EEFSEC: variants seen among roughly 807,000 people sequenced by gnomAD.
The protein encoded by EEFSEC is selenocysteine-specific elongation factor.
Under a neutral mutation model 42.1 loss-of-function variants are expected in EEFSEC, and 43 were observed. The observed-to-expected ratio is 1.02, with a 90% CI of 0.80 to 1.32. The LOEUF is 1.32. Among genes scored for constraint, EEFSEC ranks in the 40% most tolerant of loss-of-function variants. The pLI, the probability that EEFSEC is intolerant of heterozygous loss-of-function variation, is 0.00. For synonymous variants in EEFSEC, 354 were observed against 339.1 expected (o/e 1.04, Z -0.48); for missense variants, 745 against 803.6 (o/e 0.93, Z 0.88).
At chr3:128,320,541 T>C (rs1203266893) in intron 4 of EEFSEC, among the ~76,000 whole-genome samples, 4 of 152,180 alleles carry the variant, frequency 2.6e-5, no homozygotes, top group Non-Finnish European at 5.9e-5. Context: ...ACGTAGCTAA[T>C]ATGAAGGATT....
chr3:128,370,840 C>G (rs1387090545), intron 6 of EEFSEC, among the ~76,000 whole-genome samples: 1 of 152,168 alleles, frequency 6.6e-6, no homozygotes, highest in Non-Finnish European at 1.5e-5. Flanking sequence ...CTGCTCCCTT[C>G]CAGAGTGAAG....
chr3:128,374,882 G>C (rs773784162), intron 6 of EEFSEC, among the ~76,000 whole-genome samples: 1 of 152,240 alleles, frequency 6.6e-6, no homozygotes, highest in Non-Finnish European at 1.5e-5. Context: ...GAGCCCCAGA[G>C]CTGAGACTTG....
intron 6 of EEFSEC, among the ~76,000 whole-genome samples, chr3:128,388,180 C>G (rs555312848): frequency 1.3e-5 from 2 of 152,304 alleles, no homozygotes; most frequent in African/African-American, 4.8e-5. Context: ...CTCTTAGAGT[C>G]TTCCTTTTTT....
At chr3:128,377,196 T>C (rs1392993675) in intron 6 of EEFSEC, among the ~76,000 whole-genome samples, 2 of 152,228 alleles carry the variant, frequency 1.3e-5, no homozygotes, top group Non-Finnish European at 2.9e-5. Flanking sequence ...TTTTATGTAA[T>C]TGAGATATGG....
At chr3:128,363,404 TC>T (rs1377539511) in intron 6 of EEFSEC, among the ~76,000 whole-genome samples, 1 of 152,142 alleles carries the variant, frequency 6.6e-6, no homozygotes, top group East Asian at 1.9e-4. Context: ...TGCTCGAGAC[TC>T]CCCACACCAT....
chr3:128,227,884 T>C (rs1164315654), intron 1 of EEFSEC, among the ~76,000 whole-genome samples: 2 of 152,228 alleles, frequency 1.3e-5, no homozygotes, highest in Admixed American at 6.5e-5. Context: ...CCCTGAGTCC[T>C]CTCTCTATTG....
chr3:128,214,782 C>T (rs2065792873), intron 1 of EEFSEC, among the ~76,000 whole-genome samples: 1 of 152,154 alleles, frequency 6.6e-6, no homozygotes, highest in Non-Finnish European at 1.5e-5. Context: ...CGGAGGGAAA[C>T]TGGAAATTAT....
At chr3:128,271,648 G>A (rs918197291) in intron 4 of EEFSEC, among the ~76,000 whole-genome samples, 3 of 152,152 alleles carry the variant, frequency 2.0e-5, no homozygotes, top group African/African-American at 7.2e-5. Flanking sequence ...GCCCACCCTT[G>A]GTTGTCGCCC....
the EEFSEC span, among the ~76,000 whole-genome samples, chr3:128,420,127 G>A: frequency 1.3e-5 from 2 of 152,134 alleles, no homozygotes; most frequent in East Asian, 3.8e-4. Flanking sequence ...TAGAGGGGGA[G>A]AAACAAAGAG....
intron 4 of EEFSEC, among the ~76,000 whole-genome samples, chr3:128,338,441 C>T (rs959678061): frequency 6.6e-5 from 10 of 151,970 alleles, no homozygotes; most frequent in South Asian, 2.1e-4. Flanking sequence ...CTGGGGCTGA[C>T]CTGTAAAGTA....
intron 6 of EEFSEC, among the ~76,000 whole-genome samples, chr3:128,406,217 A>G (rs2068108394): frequency 6.6e-6 from 1 of 152,234 alleles, no homozygotes; most frequent in African/African-American, 2.4e-5. Context: ...AGGCTGCACC[A>G]TGCTGCCACC....
chr3:128,399,758 C>T lies in EEFSEC; in HGVS notation c.1601-8311C>T, dbSNP rs866843354. Among the ~76,000 whole-genome samples, 4 of 151,966 alleles carry T rather than the reference C, an allele frequency of 2.6e-5. 1 individual carries two copies. In the Middle Eastern group the frequency reaches 0.014, roughly 517 times the overall value. The stretch of plus-strand genomic sequence containing the variant: ...GAGCGCTCACACTGGCTCTCTCTGC[C>T]CACCTGGCTCTCCCCAGCCCTGCCA... On this transcript the variant is annotated intron_variant, in intron 6 of 6. Coordinates refer to ENST00000254730, the MANE Select transcript of EEFSEC (RefSeq NM_021937.5).
intron 1 of EEFSEC, among the ~76,000 whole-genome samples, chr3:128,216,767 AC>A (rs1464486347): frequency 5.3e-5 from 8 of 152,122 alleles, no homozygotes; most frequent in Admixed American, 5.2e-4. Flanking sequence ...TGACTAGAGC[AC>A]TCTTGGGACA....
chr3:128,162,613 T>C (rs1193544520), intron 1 of EEFSEC, among the ~76,000 whole-genome samples: 1 of 152,170 alleles, frequency 6.6e-6, no homozygotes, highest in Non-Finnish European at 1.5e-5. Flanking sequence ...GCCTTGAGTT[T>C]AAATTAATGC....
chr3:128,209,979 A>T (rs1369329621), intron 1 of EEFSEC, among the ~76,000 whole-genome samples: 1 of 152,244 alleles, frequency 6.6e-6, no homozygotes, highest in Admixed American at 6.5e-5. Flanking sequence ...GCAGTGGGGA[A>T]CCACTGAAGG....
At chr3:128,197,181 ATCAT>A (rs2065593753) in intron 1 of EEFSEC, among the ~76,000 whole-genome samples, 1 of 152,220 alleles carries the variant, frequency 6.6e-6, no homozygotes, top group African/African-American at 2.4e-5. Flanking sequence ...GCTATTGTGA[ATCAT>A]TCTGCATAGA....
intron 1 of EEFSEC, among the ~76,000 whole-genome samples, chr3:128,237,684 G>T (rs1201580780): frequency 6.6e-6 from 1 of 152,048 alleles, no homozygotes; most frequent in Non-Finnish European, 1.5e-5. Flanking sequence ...TTTTGGCGGG[G>T]GTCCAACACC....
Position 128,358,252 on chromosome 3 carries a change from G to A in EEFSEC, c.1479G>A (p.Leu493=). The A allele has an allele frequency of 6.2e-7, 1 of 1,614,204 alleles. No homozygotes were observed. Among genetic ancestry groups the A allele is most frequent in the Non-Finnish European group, 8.5e-7 (1 of 1,180,022 alleles). Residue 493 remains leucine (L), a synonymous_variant, in exon 6 of 7, where the codon CTG becomes CTA. Transcript: ENST00000254730. ...ACTACAGTGTGATCGGCCGCTCCCT[G>A]TTCAAAAAGGAAACCAACATCCAGC... is the stretch of plus-strand genomic sequence containing the variant. The part of the protein sequence containing the change: ...MDDYSVIGRS[L]FKKETNIQLF...
At chr3:128,192,189 G>A (rs1293465051) in intron 1 of EEFSEC, among the ~76,000 whole-genome samples, 1 of 152,172 alleles carries the variant, frequency 6.6e-6, no homozygotes, top group Non-Finnish European at 1.5e-5. Context: ...AGAATTCTGT[G>A]TGGCCTTGGC....
Sources: gnomAD v4.1 joint callset for allele counts (sites outside exome capture counted in the v4.1 genomes callset) on GRCh38, gnomAD v4.1.1 for gene constraint, MANE v1.5 for transcripts, NCBI Gene and HGNC (gene_info 2026-07-23, HGNC 2026-07-21) for gene names.